The following ERMP1 variants were observed in gnomAD, a reference collection of about 807,000 sequenced individuals.
ERMP1 encodes Felix-ina.
In ERMP1, 86 loss-of-function variants were observed where a neutral mutation model predicts 92.0. The ratio of observed to expected loss-of-function variants is 0.93; its 90% confidence interval spans 0.79 to 1.12. The LOEUF (loss-of-function observed/expected upper bound fraction) is 1.12, where lower values mean the gene tolerates loss of function less well. ERMP1 is among the 50% of genes most tolerant of loss of function. The pLI is 0.00. For missense variants in ERMP1, 1,342 were observed against 1,116.3 expected, an observed-to-expected ratio of 1.20 and a Z score of -2.88; for synonymous variants, 530 against 412.8, an observed-to-expected ratio of 1.28 and a Z score of -3.44.
intron 8 of ERMP1, among the ~76,000 whole-genome samples, chr9:5,807,109 C>T (rs757699179): frequency 6.6e-6 from 1 of 152,182 alleles, no homozygotes; most frequent in Admixed American, 6.5e-5. Flanking sequence ...GCCCAAACTG[C>T]ACCAAAGATA....
Position 5,809,927 on chromosome 9 carries a change from G to T in ERMP1, c.1548+84C>A, listed in dbSNP as rs553617543. 3.8e-4 allele frequency: 369 copies of T among 958,972 alleles called. 5 individuals carry two copies. In the South Asian group the frequency reaches 5.0e-3, roughly 13 times the overall value. The allele number at this position is 958,972 out of a possible 1,614,324, so 59.4% of individuals were successfully genotyped here. A position where few individuals can be genotyped will look rare whatever the true frequency, so the allele number is the denominator to read the frequency against. On this transcript the variant is annotated intron_variant, in intron 8 of 14. Coordinates refer to ENST00000339450, the MANE Select transcript of ERMP1 (RefSeq NM_024896.3). ...TGAACAATTTTTTAGCACTCAAAAG[G>T]CCAAATACAATGAATCACACTTAAG...
chr9:5,814,613 C>G (rs1380683320), intron 4 of ERMP1, among the ~76,000 whole-genome samples: 1 of 152,094 alleles, frequency 6.6e-6, no homozygotes, highest in African/African-American at 2.4e-5. Flanking sequence ...CATGGTAATC[C>G]CAGCTGCTCA....
Position 5,810,085 on chromosome 9 carries a change from C to G in ERMP1, c.1474G>C (p.Val492Leu), listed in dbSNP as rs1352762953. Residue 492 changes from valine (V) to leucine (L), a missense_variant, in exon 8 of 15, where the codon GTT (valine) becomes CTT (leucine). Physicochemically the swap from Val to Leu is conservative, Grantham distance 32. Coordinates refer to ENST00000339450, the MANE Select transcript of ERMP1 (RefSeq NM_024896.3). ...LSWYNHFYVS[V>L]CLYGTATVAK... Reference sequence around the variant, plus strand: ...ACAGTTGCAGTTCCATACAGACAAACGGAGACATAGAAGTGGTTATACCAT... The same window carrying G: ...ACAGTTGCAGTTCCATACAGACAAAGGGAGACATAGAAGTGGTTATACCAT... 6.2e-7 allele frequency: 1 copy of G among 1,613,886 alleles called. No individual in the cohort carries two copies. Among genetic ancestry groups the G allele is most frequent in the Non-Finnish European group, 8.5e-7 (1 of 1,179,868 alleles).
intron 6 of ERMP1, among the ~76,000 whole-genome samples, chr9:5,849,914 T>C (rs527909283): frequency 6.6e-6 from 1 of 152,328 alleles, no homozygotes; most frequent in East Asian, 1.9e-4. Context: ...ACATGCCTTA[T>C]TGCTCTTAGC....
chr9:5,832,902 C>A lies in ERMP1; in HGVS notation c.126G>T (p.Gly42=), dbSNP rs752256490. The A allele has an allele frequency of 2.6e-6, 4 of 1,558,530 alleles. No homozygotes were observed. The highest frequency in any genetic ancestry group is 3.4e-6 in the Non-Finnish European group (4 of 1,163,012). ...TCCGCGTCCTCCCGCCGCCGCTGCA[C>A]CCATCCACCAGAGGCTCCTGCGCTC... is the stretch of plus-strand genomic sequence containing the variant. The part of the protein sequence containing the change: ...EARAQEPLVD[G]CSGGGRTRKR... Residue 42 remains glycine (G), a synonymous_variant, in exon 1 of 15, where the codon GGG becomes GGT. Coordinates refer to ENST00000339450, the MANE Select transcript of ERMP1 (RefSeq NM_024896.3).
rs115979371 is a variant in ERMP1, at chr9:5,786,988, T to C, written c.*156A>G. 3.8e-4 allele frequency: 267 copies of C among 705,388 alleles called. No individual in the cohort carries two copies. Among genetic ancestry groups the C allele is most frequent in the African/African-American group, 3.4e-3 (191 of 55,630 alleles). The allele number at this position is 705,388 out of a possible 1,614,324, so 43.7% of individuals were successfully genotyped here. A position where few individuals can be genotyped will look rare whatever the true frequency, so the allele number is the denominator to read the frequency against. On this transcript the variant is annotated 3_prime_UTR_variant, in exon 15 of 15. Coordinates refer to ENST00000339450, the MANE Select transcript of ERMP1 (RefSeq NM_024896.3). ...TCACTGCGCCACAGCTAAACCCTTA[T>C]AGTGCTTGGCCCTGAAAAGCGTTAA...
At chr9:5,835,219 G>A (rs1281363342), upstream of ERMP1, among the ~76,000 whole-genome samples, 1 of 152,080 alleles carries the variant, frequency 6.6e-6, no homozygotes, top group Non-Finnish European at 1.5e-5. Context: ...CGGTATTCAC[G>A]TTTGAATATT....
At chr9:5,808,925 G>C (rs755302845) in intron 8 of ERMP1, among the ~76,000 whole-genome samples, 2 of 152,058 alleles carry the variant, frequency 1.3e-5, no homozygotes, top group Non-Finnish European at 2.9e-5. Flanking sequence ...TTTTTGTGGA[G>C]ACAGGGTTTC....
chr9:5,865,848 A>C (rs1830643718), intron 5 of ERMP1, among the ~76,000 whole-genome samples: 1 of 150,418 alleles, frequency 6.6e-6, no homozygotes, highest in East Asian at 1.9e-4. Context: ...AAAAAAAAAA[A>C]AAAAAAAAAT....
Position 5,805,648 on chromosome 9 carries a change from G to A in ERMP1, c.1686C>T (p.Leu562=), listed in dbSNP as rs1266217220. The A allele has an allele frequency of 1.9e-6, 3 of 1,608,812 alleles. No homozygotes were observed. The highest frequency in any genetic ancestry group is 1.7e-4 in the Middle Eastern group (1 of 6,036). Residue 562 remains leucine (L), a synonymous_variant, in exon 9 of 15, where the codon CTC becomes CTT. Transcript: ENST00000339450. Reference sequence around the variant, plus strand: ...AGTCCTTATGCACACAGAGCTTTGTGAGCAATGGGAATGCTACCCAGACAG... The same window carrying A: ...AGTCCTTATGCACACAGAGCTTTGTAAGCAATGGGAATGCTACCCAGACAG... ...ISAVWVAFPL[L]TKLCVHKDFK... is the part of the protein sequence containing the mutation.
Position 5,797,885 on chromosome 9 carries a change from G to C in ERMP1, c.2318C>G (p.Pro773Arg), listed in dbSNP as rs1173873666. ...TTCTTTGGATATGAGTCGGAAATGAGGAGGATTTCTTGGAGAAACTTCTGG... is the reference window on the plus strand; with the variant it reads ...TTCTTTGGATATGAGTCGGAAATGACGAGGATTTCTTGGAGAAACTTCTGG... Reference protein sequence around the residue: ...PAPEVSPRNPPHFRLISKEQT... With the variant: ...PAPEVSPRNPRHFRLISKEQT... The change falls in exon 13 of 15, where the codon CCT becomes CGT. Residue 773 changes from proline to arginine, a missense_variant. Physicochemically the swap from Pro to Arg is moderately radical, Grantham distance 103. Transcript: ENST00000339450. 1.2e-6 allele frequency: 2 copies of C among 1,613,682 alleles called. No homozygotes were observed. Among genetic ancestry groups the C allele is most frequent in the African/African-American group, 2.7e-5 (2 of 74,884 alleles).
chr9:5,840,513 C>G (rs1210965142), intron 6 of ERMP1, among the ~76,000 whole-genome samples: 1 of 152,222 alleles, frequency 6.6e-6, no homozygotes, highest in African/African-American at 2.4e-5. Context: ...CCCTCCCTAC[C>G]CATGCCCACT....
At chr9:5,834,494 A>G (rs533894910), upstream of ERMP1, among the ~76,000 whole-genome samples, 110 of 152,356 alleles carry the variant, frequency 7.2e-4, no homozygotes, top group African/African-American at 2.6e-3. Flanking sequence ...CATAGTATGT[A>G]GTCAATAGAT....
Position 5,795,637 on chromosome 9 carries a change from G to T in ERMP1, c.2386+2180C>A, listed in dbSNP as rs138477452. On this transcript the variant is annotated intron_variant, in intron 13 of 14. Coordinates refer to ENST00000339450, the MANE Select transcript of ERMP1 (RefSeq NM_024896.3). The stretch of plus-strand genomic sequence containing the variant: ...TACTAAAATTACAAAAATTAGCCAG[G>T]TGTGGTGGCGGGTGCCTGTATTCCC... Among the ~76,000 whole-genome samples, 388 of 152,262 alleles carry T rather than the reference G, an allele frequency of 2.5e-3. 16 individuals are homozygous for T. The East Asian group carries it at 0.066, about 26-fold the overall frequency.
Position 5,810,079 on chromosome 9 carries a change from G to A in ERMP1, c.1480C>T (p.Leu494=), listed in dbSNP as rs780485865. 1 of 1,613,908 alleles carries A rather than the reference G, an allele frequency of 6.2e-7. No homozygotes were observed. The highest frequency in any genetic ancestry group is 1.3e-5 in the African/African-American group (1 of 75,016). Residue 494 remains leucine (L), a synonymous_variant, in exon 8 of 15, where the codon CTG becomes TTG. Coordinates refer to ENST00000339450, the MANE Select transcript of ERMP1 (RefSeq NM_024896.3). ...TTGGCTACAGTTGCAGTTCCATACA[G>A]ACAAACGGAGACATAGAAGTGGTTA... ...WYNHFYVSVC[L]YGTATVAKII...
chr9:5,807,174 C>G (rs1304717104), intron 8 of ERMP1, among the ~76,000 whole-genome samples: 1 of 152,204 alleles, frequency 6.6e-6, no homozygotes, highest in African/African-American at 2.4e-5. Context: ...CTGCCCACTC[C>G]TGCTCCATTC....
chr9:5,796,854 T>G (rs1828444131), intron 13 of ERMP1, among the ~76,000 whole-genome samples: 1 of 152,144 alleles, frequency 6.6e-6, no homozygotes. Flanking sequence ...ACACGAAGAA[T>G]GAACCCGAGT....
At chr9:5,854,041 C>G (rs973025401) in intron 6 of ERMP1, among the ~76,000 whole-genome samples, 1 of 151,858 alleles carries the variant, frequency 6.6e-6, no homozygotes, top group African/African-American at 2.4e-5. Context: ...AGACCTGGAG[C>G]TTATATATCA....
chr9:5,833,098 T>TCGCTGC lies in ERMP1; in HGVS notation c.-77_-72dup. 4 of 1,225,140 alleles carry TCGCTGC rather than the reference T, an allele frequency of 3.3e-6. No individual in the cohort carries two copies. The allele number at this position is 1,225,140 out of a possible 1,614,324, so 75.9% of individuals were successfully genotyped here. On this transcript the variant is annotated 5_prime_UTR_variant, in exon 1 of 15. Transcript: ENST00000339450. ...GCCCCGGCCGCCGCCGACGCCGCCG[T>TCGCTGC]CGCTGCCGCAGCGCCTCCTAGTGAG...
Sources: gnomAD v4.1 joint callset for allele counts (sites outside exome capture counted in the v4.1 genomes callset) on GRCh38, gnomAD v4.1.1 for gene constraint, MANE v1.5 for transcripts, NCBI Gene and HGNC (gene_info 2026-07-23, HGNC 2026-07-21) for gene names.